CNTN4: variants seen among roughly 807,000 people sequenced by gnomAD.
CNTN4 encodes the protein contactin 4, also known as contactin-4.
A neutral mutation model predicts 122.5 loss-of-function variants in CNTN4; 77 were observed. The ratio of observed to expected loss-of-function variants is 0.63; its 90% CI spans 0.52 to 0.76. CNTN4 has a LOEUF of 0.76. CNTN4 is among the 30% of genes least tolerant of loss of function. The pLI is 0.00. For synonymous variants in CNTN4, 512 were observed against 447.0 expected (o/e 1.15, Z -1.83); for missense variants, 1,256 against 1,259.1 (o/e 1.00, Z 0.04).
chr3:2,360,549 CT>C (rs2045088733), intron 3 of CNTN4, among the ~76,000 whole-genome samples: 1 of 152,102 alleles, frequency 6.6e-6, no homozygotes, highest in African/African-American at 2.4e-5. Context: ...CTTCCCGAGA[CT>C]GGGTAATTTA....
Position 2,614,021 on chromosome 3 carries a change from T to A in CNTN4, c.55+42463T>A, listed in dbSNP as rs114454232. Among the ~76,000 whole-genome samples the A allele has an allele frequency of 2.4e-3, 358 of 152,252 alleles. 2 individuals are homozygous for A. The highest frequency in any genetic ancestry group is 8.2e-3 in the African/African-American group (342 of 41,558). On this transcript the variant is annotated intron_variant, in intron 4 of 24. Transcript: ENST00000418658. ...GTACTTTTTCTCAAAGAGCTAACAT[T>A]CTATTGTGAGAAAAAAATAGAATAA... is the stretch of plus-strand genomic sequence containing the variant.
intron 7 of CNTN4, among the ~76,000 whole-genome samples, chr3:2,845,589 G>A (rs2093442992): frequency 6.6e-6 from 1 of 152,154 alleles, no homozygotes; most frequent in African/African-American, 2.4e-5. Flanking sequence ...CAAAAGTGTA[G>A]GACAAGCGGG....
intron 6 of CNTN4, among the ~76,000 whole-genome samples, chr3:2,817,123 C>T (rs190807483): frequency 3.9e-5 from 6 of 152,346 alleles, no homozygotes; most frequent in African/African-American, 1.4e-4. Flanking sequence ...CTTTGATTCA[C>T]ATCTACAGCT....
At chr3:2,382,065 G>A (rs1271205133) in intron 3 of CNTN4, among the ~76,000 whole-genome samples, 5 of 152,076 alleles carry the variant, frequency 3.3e-5, no homozygotes, top group South Asian at 2.1e-4. Context: ...GCTCTGTGAT[G>A]TCTGCTAGAG....
chr3:2,378,622 G>A (rs956363911), intron 3 of CNTN4, among the ~76,000 whole-genome samples: 1 of 152,036 alleles, frequency 6.6e-6, no homozygotes, highest in Non-Finnish European at 1.5e-5. Context: ...TAGCCCACTG[G>A]CCTCCCCGTA....
At chr3:2,630,637 C>T (rs562421318) in intron 4 of CNTN4, among the ~76,000 whole-genome samples, 1 of 151,756 alleles carries the variant, frequency 6.6e-6, no homozygotes, top group Non-Finnish European at 1.5e-5. Flanking sequence ...AAATCTTCTT[C>T]TCTGTAATTA....
At chr3:2,959,797 A>C (rs2094835285) in intron 13 of CNTN4, among the ~76,000 whole-genome samples, 1 of 152,114 alleles carries the variant, frequency 6.6e-6, no homozygotes, top group Non-Finnish European at 1.5e-5. Context: ...TTGTCTCCCT[A>C]GGTATGAGAG....
At chr3:2,840,680 CAG>C (rs1399506766) in intron 7 of CNTN4, among the ~76,000 whole-genome samples, 2 of 149,484 alleles carry the variant, frequency 1.3e-5, no homozygotes, top group African/African-American at 2.5e-5. Flanking sequence ...GCCTGGGCGA[CAG>C]AGCGACACTC....
rs534405339 is a variant in CNTN4, at chr3:2,546,034, G to A, written c.-88-25382G>A. ...AAAAATAACAGATGCTAGCAAGGTT[G>A]CAGGAAAAAAGGGAATGCTTATACA... On this transcript the variant is annotated intron_variant, in intron 3 of 24. Coordinates refer to ENST00000418658, the MANE Select transcript of CNTN4 (RefSeq NM_175607.3). 1.3e-4 allele frequency among the ~76,000 whole-genome samples: 20 copies of A among 152,158 alleles called. No homozygotes were observed. In the South Asian group the frequency reaches 4.1e-3, roughly 32 times the overall value.
chr3:2,644,160 A>G (rs1210107429), intron 4 of CNTN4, among the ~76,000 whole-genome samples: 1 of 152,150 alleles, frequency 6.6e-6, no homozygotes, highest in Non-Finnish European at 1.5e-5. Flanking sequence ...ATAACCAGGT[A>G]GGGAAGGGCA....
At chr3:2,474,746 A>G (rs985807704) in intron 3 of CNTN4, among the ~76,000 whole-genome samples, 4 of 152,188 alleles carry the variant, frequency 2.6e-5, no homozygotes, top group Non-Finnish European at 2.9e-5. Flanking sequence ...TCTTTTTTCT[A>G]TGTTGCCTCC....
intron 2 of CNTN4, among the ~76,000 whole-genome samples, chr3:2,249,365 A>T (rs1051997159): frequency 2.0e-5 from 3 of 151,946 alleles, no homozygotes; most frequent in African/African-American, 7.2e-5. Flanking sequence ...AGAGAGATTA[A>T]AATAATCTTC....
At chr3:2,504,456 G>T (rs1352687446) in intron 3 of CNTN4, among the ~76,000 whole-genome samples, 1 of 152,126 alleles carries the variant, frequency 6.6e-6, no homozygotes, top group African/African-American at 2.4e-5. Flanking sequence ...TGTGTGAGAG[G>T]GTTGAGTGAG....
In CNTN4 at chr3:2,570,908, T is replaced by A. The variant is rs940152917; in HGVS notation, c.-88-508T>A. Among the ~76,000 whole-genome samples, 31 of 152,272 alleles carry A rather than the reference T, an allele frequency of 2.0e-4. No individual in the cohort carries two copies. In the Middle Eastern group the frequency reaches 0.014, roughly 67 times the overall value. The stretch of plus-strand genomic sequence containing the variant: ...GCATACTTCTGTGGCATGTTAGAAG[T>A]GAAACACGGGGCAGAGGGGAAAAAT... On this transcript the variant is annotated intron_variant, in intron 3 of 24. Coordinates refer to ENST00000418658, the MANE Select transcript of CNTN4 (RefSeq NM_175607.3).
rs139414404 is a variant in CNTN4, at chr3:2,564,973, C to A, written c.-88-6443C>A. Among the ~76,000 whole-genome samples, 638 of 152,138 alleles carry A rather than the reference C, an allele frequency of 4.2e-3. 3 individuals carry two copies. The highest frequency in any genetic ancestry group is 0.015 in the African/African-American group (606 of 41,512). On this transcript the variant is annotated intron_variant, in intron 3 of 24. Transcript: ENST00000418658. Reference sequence around the variant, plus strand: ...TTTCAGAGGATTTCTGCCTAATGTACTCATATTTATGGTTAGAATCTTCAC... The same window carrying A: ...TTTCAGAGGATTTCTGCCTAATGTAATCATATTTATGGTTAGAATCTTCAC...
At chr3:2,294,101 A>T (rs552587895) in intron 2 of CNTN4, among the ~76,000 whole-genome samples, 161 of 152,296 alleles carry the variant, frequency 1.1e-3, no homozygotes, top group African/African-American at 3.7e-3. Flanking sequence ...GGCAGGCCAA[A>T]CTGTAAAGAG....
intron 3 of CNTN4, among the ~76,000 whole-genome samples, chr3:2,391,510 C>T (rs1252953432): frequency 3.9e-5 from 6 of 152,144 alleles, no homozygotes; most frequent in South Asian, 2.1e-4. Flanking sequence ...CAGATGAAAA[C>T]CAGATATACC....
chr3:2,534,357 T>C (rs1243628813), intron 3 of CNTN4, among the ~76,000 whole-genome samples: 1 of 152,200 alleles, frequency 6.6e-6, no homozygotes, highest in East Asian at 1.9e-4. Context: ...ATTTATTAAA[T>C]AGGGAATCCT....
chr3:2,225,138 G>C (rs917642541), intron 2 of CNTN4, among the ~76,000 whole-genome samples: 4 of 148,022 alleles, frequency 2.7e-5, no homozygotes, highest in Non-Finnish European at 6.0e-5. Context: ...GCGACAGGGC[G>C]AGACTCTGTA....
Sources: gnomAD v4.1 joint callset for allele counts (sites outside exome capture counted in the v4.1 genomes callset) on GRCh38, gnomAD v4.1.1 for gene constraint, MANE v1.5 for transcripts, NCBI Gene and HGNC (gene_info 2026-07-23, HGNC 2026-07-21) for gene names.